Variants in KCTD16 observed in about 807,000 individuals in gnomAD.
The protein encoded by KCTD16 is potassium channel tetramerization domain containing 16.
In KCTD16, 13 loss-of-function variants were observed where a neutral mutation model predicts 33.2. That is an observed-to-expected ratio of 0.39 (90% CI 0.25 to 0.62). The LOEUF (loss-of-function observed/expected upper bound fraction) is 0.62. Ranked by LOEUF, KCTD16 falls within the 20% of genes least tolerant of loss-of-function variation. The probability of loss-of-function intolerance (pLI) is 0.50; values close to 1 mark genes in which losing one functional copy is unlikely to be tolerated. For synonymous variants in KCTD16, 197 were observed against 195.3 expected (o/e 1.01, Z -0.07); for missense variants, 441 against 525.1 (o/e 0.84, Z 1.57).
rs200508365 is a variant in KCTD16, at chr5:144,396,912, TTA to T, written c.833-76728_833-76727del. On this transcript the variant is annotated intron_variant, in intron 3 of 3. Transcript: ENST00000512467. Reference sequence around the variant, plus strand: ...AGCATTGCTGAATTCACTTTATTTATTATATATATATATATATATATTTTATT... The same window carrying T: ...AGCATTGCTGAATTCACTTTATTTATTATATATATATATATATATTTTATT... Among the ~76,000 whole-genome samples, 387 of 141,026 alleles carry T rather than the reference TTA, an allele frequency of 2.7e-3. 2 individuals carry two copies. The highest frequency in any genetic ancestry group is 0.017 in the South Asian group (74 of 4,354). The allele number at this position is 141,026 out of a possible 152,430, so 92.5% of individuals were successfully genotyped here.
intron 3 of KCTD16, among the ~76,000 whole-genome samples, chr5:144,430,932 A>G (rs1270235240): frequency 6.6e-6 from 1 of 152,136 alleles, no homozygotes; most frequent in Non-Finnish European, 1.5e-5. Flanking sequence ...TTGAGAATCT[A>G]ATAATAGCCA....
intron 3 of KCTD16, among the ~76,000 whole-genome samples, chr5:144,213,266 A>G (rs900020988): frequency 6.6e-6 from 1 of 152,044 alleles, no homozygotes; most frequent in African/African-American, 2.4e-5. Flanking sequence ...CATATAACTT[A>G]TATGCAACAA....
intron 2 of KCTD16, among the ~76,000 whole-genome samples, chr5:144,193,370 A>C (rs1752879909): frequency 6.6e-6 from 1 of 152,084 alleles, no homozygotes; most frequent in Admixed American, 6.6e-5. Context: ...TTCCTTGAAC[A>C]AGCCGAGCTT....
intron 3 of KCTD16, among the ~76,000 whole-genome samples, chr5:144,419,721 A>G (rs1166791980): frequency 6.6e-6 from 1 of 152,180 alleles, no homozygotes; most frequent in Non-Finnish European, 1.5e-5. Context: ...TGCGGTAGAC[A>G]CTGACTACAT....
At chr5:144,388,065 GTTTTTTTTTTTTT>G (rs397999492) in intron 3 of KCTD16, among the ~76,000 whole-genome samples, 896 of 73,696 alleles carry the variant, frequency 0.012, 18 homozygotes, top group African/African-American at 0.053. Flanking sequence ...TTTAGAGCAA[GTTTTTTTTTTTTT>G]TTTTTTTTTT....
At chr5:144,374,514 A>T (rs552893413) in intron 3 of KCTD16, among the ~76,000 whole-genome samples, 3 of 152,316 alleles carry the variant, frequency 2.0e-5, no homozygotes, top group Admixed American at 2.0e-4. Context: ...GCTAAATGGG[A>T]GGTAGCAGGT....
chr5:144,188,322 A>G (rs890734800), intron 2 of KCTD16, among the ~76,000 whole-genome samples: 2 of 152,222 alleles, frequency 1.3e-5, no homozygotes, highest in African/African-American at 4.8e-5. Flanking sequence ...TTAAGGCCGC[A>G]TTCTCATCCT....
At position 144,417,300 on chromosome 5, in the gene KCTD16, A is replaced by G. The variant is rs188405393; in HGVS notation, c.833-56360A>G. Among the ~76,000 whole-genome samples the G allele has an allele frequency of 2.8e-3, 420 of 152,136 alleles. 3 individuals are homozygous for G. Among genetic ancestry groups the G allele is most frequent in the African/African-American group, 9.7e-3 (404 of 41,544 alleles). On this transcript the variant is annotated intron_variant, in intron 3 of 3. Transcript: ENST00000512467. ...GTTATTTTTATTTTAAAAATATATT[A>G]TTATACTTATATTAGTGGATATCAA...
chr5:144,402,771 C>T (rs1752730942), intron 3 of KCTD16, among the ~76,000 whole-genome samples: 1 of 152,116 alleles, frequency 6.6e-6, no homozygotes, highest in South Asian at 2.1e-4. Context: ...CAATGGAAAA[C>T]AAAATATAAA....
chr5:144,329,265 G>C (rs1279562256), intron 3 of KCTD16, among the ~76,000 whole-genome samples: 1 of 152,044 alleles, frequency 6.6e-6, no homozygotes, highest in African/African-American at 2.4e-5. Context: ...TTATTTGCTT[G>C]GTTCACTCAA....
At chr5:144,182,982 A>ATT (rs1752656017) in intron 2 of KCTD16, among the ~76,000 whole-genome samples, 1 of 151,840 alleles carries the variant, frequency 6.6e-6, no homozygotes, top group African/African-American at 2.4e-5. Context: ...ACTTGTAATC[A>ATT]TTTCTCTATG....
At chr5:144,171,912 G>A (rs772137597) in intron 1 of KCTD16, among the ~76,000 whole-genome samples, 8 of 152,144 alleles carry the variant, frequency 5.3e-5, no homozygotes, top group Non-Finnish European at 8.8e-5. Context: ...GTGGAATCCC[G>A]AATATTGTGA....
chr5:144,434,855 A>G (rs1029897601), intron 3 of KCTD16, among the ~76,000 whole-genome samples: 6 of 152,178 alleles, frequency 3.9e-5, no homozygotes, highest in East Asian at 1.9e-4. Flanking sequence ...GAGCCAAGGA[A>G]TCACTGGTCT....
chr5:144,303,363 T>C (rs1340155448), intron 3 of KCTD16, among the ~76,000 whole-genome samples: 1 of 152,236 alleles, frequency 6.6e-6, no homozygotes, highest in African/African-American at 2.4e-5. Flanking sequence ...TATAGGCTTG[T>C]GAGATCTCTG....
intron 3 of KCTD16, among the ~76,000 whole-genome samples, chr5:144,246,509 A>C (rs1468779994): frequency 6.6e-6 from 1 of 152,192 alleles, no homozygotes; most frequent in Non-Finnish European, 1.5e-5. Context: ...ATTAATATAG[A>C]ACTTTTATGG....
At chr5:144,473,480 G>A (rs1421024873) in intron 3 of KCTD16, among the ~76,000 whole-genome samples, 180 bp from the exon 4 acceptor site, 3 of 151,886 alleles carry the variant, frequency 2.0e-5, no homozygotes, top group Non-Finnish European at 2.9e-5. Context: ...TCCTCCCCTC[G>A]TGGACTTGGC....
At chr5:144,283,951 G>T (rs1310392469) in intron 3 of KCTD16, among the ~76,000 whole-genome samples, 1 of 152,072 alleles carries the variant, frequency 6.6e-6, no homozygotes, top group East Asian at 1.9e-4. Context: ...GAATAATATG[G>T]CCTCAAAAAT....
rs139789126 is a variant in KCTD16 at position 144,223,060 on chromosome 5, G to A, written c.832+15514G>A. Among the ~76,000 whole-genome samples the A allele has an allele frequency of 2.3e-3, 346 of 152,110 alleles. 4 individuals are homozygous for A. In the East Asian group the frequency reaches 0.038, roughly 17 times the overall value. ...CGCAAGGACAAAAAAACCAAACACC[G>A]CATGTTCTCACTCATAGGTGGGAAT... On this transcript the variant is annotated intron_variant, in intron 3 of 3. Transcript: ENST00000512467.
chr5:144,456,300 TA>T (rs1452195546), intron 3 of KCTD16, among the ~76,000 whole-genome samples: 2 of 152,216 alleles, frequency 1.3e-5, no homozygotes, highest in Admixed American at 1.3e-4. Flanking sequence ...ACTAAAATTT[TA>T]ATTTAAAAGA....
Sources: allele counts gnomAD v4.1 joint callset (sites outside exome capture counted in the v4.1 genomes callset), GRCh38; gene constraint gnomAD v4.1.1; transcripts MANE v1.5; gene names NCBI Gene and HGNC (gene_info 2026-07-23, HGNC 2026-07-21).